Variants in PPP1R9A observed in about 807,000 individuals in gnomAD.
The protein encoded by PPP1R9A is protein phosphatase 1 regulatory subunit 9A.
A neutral mutation model predicts 141.9 loss-of-function variants in PPP1R9A; 59 were observed. The ratio of observed to expected loss-of-function variants is 0.42; its 90% confidence interval spans 0.34 to 0.52. PPP1R9A has a LOEUF of 0.52. Among genes scored for constraint, PPP1R9A ranks in the 20% least tolerant of loss-of-function variants. The pLI, the probability that PPP1R9A is intolerant of heterozygous loss-of-function variation, is 0.10. For synonymous variants in PPP1R9A, 500 were observed against 569.7 expected (o/e 0.88, Z 1.74); for missense variants, 1,444 against 1,611.9 (o/e 0.90, Z 1.78).
At position 95,291,583 on chromosome 7, in the gene PPP1R9A, T is replaced by G. The variant is rs1203347208; in HGVS notation, c.*1280T>G. On this transcript the variant is annotated 3_prime_UTR_variant, in exon 20 of 20. Coordinates refer to ENST00000433360, the MANE Select transcript of PPP1R9A (RefSeq NM_001166160.2). ...CCAAACTAAGTCAAGTGCAGGAGAC[T>G]GGGGCAGAAGAAGGAGAAAATAAAC... 6.6e-6 allele frequency: 1 copy of G among 152,184 alleles called. No homozygotes were observed. The highest frequency in any genetic ancestry group is 1.5e-5 in the Non-Finnish European group (1 of 68,038). The allele number at this position is 152,184 out of a possible 1,614,324, so 9.4% of individuals were successfully genotyped here.
intron 12 of PPP1R9A, among the ~76,000 whole-genome samples, chr7:95,266,906 G>A (rs1037945474): frequency 6.6e-6 from 1 of 152,088 alleles, no homozygotes; most frequent in African/African-American, 2.4e-5. Flanking sequence ...TTATCGGAAG[G>A]AGGAAATTAA....
intron 5 of PPP1R9A, among the ~76,000 whole-genome samples, chr7:95,166,131 A>G (rs1055500900): frequency 1.4e-5 from 2 of 148,070 alleles, no homozygotes; most frequent in African/African-American, 5.0e-5. Flanking sequence ...CTGGGCAACA[A>G]GAGTGAAACT....
chr7:95,248,847 G>A (rs1019694151), intron 9 of PPP1R9A, among the ~76,000 whole-genome samples: 2 of 151,944 alleles, frequency 1.3e-5, no homozygotes, highest in African/African-American at 2.4e-5. Flanking sequence ...TTCTAACTTT[G>A]TAAACTGTTT....
At chr7:95,008,948 A>G (rs1251711320) in intron 2 of PPP1R9A, among the ~76,000 whole-genome samples, 1 of 152,158 alleles carries the variant, frequency 6.6e-6, no homozygotes, top group African/African-American at 2.4e-5. Context: ...TGGCACCTGT[A>G]CACCATGGAA....
chr7:95,022,117 T>C (rs1465516426), intron 2 of PPP1R9A, among the ~76,000 whole-genome samples: 2 of 152,232 alleles, frequency 1.3e-5, no homozygotes, highest in African/African-American at 4.8e-5. Flanking sequence ...TGGAATGTTT[T>C]CCATTTGTGT....
intron 17 of PPP1R9A, 144 bp from the exon 18 acceptor site, chr7:95,286,062 G>A (rs181204029): frequency 3.5e-5 from 47 of 1,327,988 alleles, no homozygotes; most frequent in Non-Finnish European, 4.2e-5. Flanking sequence ...ATTCTCAACC[G>A]CTGCCCCATT....
chr7:94,924,740 G>A (rs942390054), intron 2 of PPP1R9A, among the ~76,000 whole-genome samples: 4 of 152,042 alleles, frequency 2.6e-5, no homozygotes, highest in African/African-American at 7.2e-5. Context: ...ATGTTGGCCA[G>A]GCTGGTCTCA....
chr7:94,996,799 GTTTTTTTTTT>G, intron 2 of PPP1R9A, among the ~76,000 whole-genome samples: 1 of 111,636 alleles, frequency 9.0e-6, no homozygotes, highest in East Asian at 2.5e-4. Context: ...GATACTCTGT[GTTTTTTTTTT>G]TTTTTTTTTG....
intron 1 of PPP1R9A, among the ~76,000 whole-genome samples, chr7:94,908,801 A>G (rs1791118133): frequency 6.6e-6 from 1 of 152,126 alleles, no homozygotes; most frequent in Non-Finnish European, 1.5e-5. Flanking sequence ...AAAGAAAAAA[A>G]CAGGCACCAC....
At chr7:95,101,953 A>G (rs2023697) in intron 2 of PPP1R9A, among the ~76,000 whole-genome samples, 151,424 of 152,256 alleles carry the variant, frequency 0.99, 75,299 homozygotes, top group East Asian at 1. Flanking sequence ...GAGAGCATCC[A>G]GCCTGTTAAT....
chr7:95,032,536 A>G (rs1807836112), intron 2 of PPP1R9A, among the ~76,000 whole-genome samples: 1 of 152,136 alleles, frequency 6.6e-6, no homozygotes, highest in South Asian at 2.1e-4. Context: ...TTCTAGACCA[A>G]TGCCCCCACT....
intron 4 of PPP1R9A, among the ~76,000 whole-genome samples, chr7:95,138,076 G>A (rs1008407074): frequency 6.6e-6 from 1 of 151,902 alleles, no homozygotes; most frequent in Non-Finnish European, 1.5e-5. Context: ...GGGACTAAAG[G>A]TGCCCGCCAT....
At chr7:95,254,751 G>A (rs1369584897) in intron 12 of PPP1R9A, among the ~76,000 whole-genome samples, 1 of 152,134 alleles carries the variant, frequency 6.6e-6, no homozygotes, top group Non-Finnish European at 1.5e-5. Flanking sequence ...CTGAGCAGCC[G>A]TTTCTTCATG....
At chr7:94,999,923 T>C (rs1393697288) in intron 2 of PPP1R9A, among the ~76,000 whole-genome samples, 1 of 152,000 alleles carries the variant, frequency 6.6e-6, no homozygotes, top group Non-Finnish European at 1.5e-5. Context: ...TGCCTCAGCC[T>C]TCTGAGTAGA....
intron 8 of PPP1R9A, among the ~76,000 whole-genome samples, chr7:95,229,586 A>G (rs1012963202): frequency 6.6e-6 from 1 of 151,270 alleles, no homozygotes; most frequent in Admixed American, 6.6e-5. Context: ...GGGAACCACA[A>G]CCTCCTCCCC....
chr7:95,212,676 A>C (rs1287517104), intron 7 of PPP1R9A, among the ~76,000 whole-genome samples: 1 of 152,208 alleles, frequency 6.6e-6, no homozygotes, highest in Non-Finnish European at 1.5e-5. Flanking sequence ...TTTTCTGGAC[A>C]GTAGAATTGC....
At chr7:95,007,883 T>C (rs1254841449) in intron 2 of PPP1R9A, among the ~76,000 whole-genome samples, 5 of 151,900 alleles carry the variant, frequency 3.3e-5, no homozygotes, top group African/African-American at 1.2e-4. Flanking sequence ...ACCAACCTGA[T>C]CAACATGGTG....
intron 12 of PPP1R9A, among the ~76,000 whole-genome samples, chr7:95,266,174 T>C (rs535991236): frequency 2.6e-5 from 4 of 152,236 alleles, no homozygotes; most frequent in Admixed American, 6.5e-5. Context: ...AGGGCCAGCA[T>C]TCTACTGCAA....
At chr7:95,067,895 C>T (rs991660924) in intron 2 of PPP1R9A, among the ~76,000 whole-genome samples, 2 of 152,106 alleles carry the variant, frequency 1.3e-5, no homozygotes, top group African/African-American at 4.8e-5. Context: ...ATCTAGGCCT[C>T]AGATCTGGCT....
Sources: gnomAD v4.1 joint callset for allele counts (sites outside exome capture counted in the v4.1 genomes callset) on GRCh38, gnomAD v4.1.1 for gene constraint, MANE v1.5 for transcripts, NCBI Gene and HGNC (gene_info 2026-07-23, HGNC 2026-07-21) for gene names.